ENPP6: variants seen among roughly 807,000 people sequenced by gnomAD.
ENPP6 encodes the protein glycerophosphocholine cholinephosphodiesterase ENPP6.
Under a neutral mutation model 42.0 loss-of-function variants are expected in ENPP6, and 32 were observed. The observed-to-expected ratio is 0.76, with a 90% CI of 0.58 to 1.02. ENPP6 has a LOEUF of 1.02. Among genes scored for constraint, ENPP6 ranks in the 50% least tolerant of loss-of-function variants. The pLI is 0.00. For synonymous variants in ENPP6, 213 were observed against 216.0 expected, an observed-to-expected ratio of 0.99 and a Z score of 0.12; for missense variants, 552 against 566.8, an observed-to-expected ratio of 0.97 and a Z score of 0.27.
In ENPP6 at chr4:184,170,529, C is replaced by T. The variant is rs1415481774; in HGVS notation, c.242-16796G>A. ...GAGTGTCTTTTAACTGATAATGGTT[C>T]GCCTCCATTTTATTAATTCTTGTCT... On this transcript the variant is annotated intron_variant, in intron 1 of 7. Transcript: ENST00000296741. 5.3e-5 allele frequency among the ~76,000 whole-genome samples: 8 copies of T among 151,510 alleles called. No homozygotes were observed. In the East Asian group the frequency reaches 5.8e-4, roughly 11 times the overall value.
intron 1 of ENPP6, among the ~76,000 whole-genome samples, chr4:184,156,136 G>A (rs1737155722): frequency 6.6e-6 from 1 of 152,198 alleles, no homozygotes; most frequent in African/African-American, 2.4e-5. Context: ...TGTGGAGAAA[G>A]TTGGGTTTCT....
chr4:184,116,840 C>T lies in ENPP6; in HGVS notation c.855+16G>A. Reference sequence around the variant, plus strand: ...GCCCACATGGCCCTCCTCCGCCCCCCACGGGTCTGTCTTGCCTCAGAGTGT... The same window carrying T: ...GCCCACATGGCCCTCCTCCGCCCCCTACGGGTCTGTCTTGCCTCAGAGTGT... On this transcript the variant is annotated intron_variant, in intron 5 of 7. Coordinates refer to ENST00000296741, the MANE Select transcript of ENPP6 (RefSeq NM_153343.4). 6.2e-7 allele frequency: 1 copy of T among 1,612,556 alleles called. No individual in the cohort carries two copies. The highest frequency in any genetic ancestry group is 1.1e-5 in the South Asian group (1 of 91,026).
At chr4:184,100,095 G>T (rs968599785) in intron 6 of ENPP6, among the ~76,000 whole-genome samples, 1 of 152,202 alleles carries the variant, frequency 6.6e-6, no homozygotes, top group African/African-American at 2.4e-5. Context: ...CTTTCTAGTC[G>T]TAGGTAAATC....
intron 2 of ENPP6, among the ~76,000 whole-genome samples, chr4:184,151,938 T>A (rs1737057472): frequency 6.6e-6 from 1 of 152,196 alleles, no homozygotes; most frequent in Non-Finnish European, 1.5e-5. Context: ...CCTCCTAAAC[T>A]CTTCCTCTTC....
At chr4:184,197,707 T>C (rs185309121) in intron 1 of ENPP6, among the ~76,000 whole-genome samples, 102 of 152,358 alleles carry the variant, frequency 6.7e-4, no homozygotes, top group African/African-American at 2.2e-3. Context: ...TAGTGGATTT[T>C]GTTACATATT....
At chr4:184,100,591 G>C (rs1032615312) in intron 6 of ENPP6, among the ~76,000 whole-genome samples, 2 of 152,166 alleles carry the variant, frequency 1.3e-5, no homozygotes, top group Admixed American at 6.5e-5. Flanking sequence ...GCCTCTAAGT[G>C]GGATCCCACT....
chr4:184,101,361 G>A (rs574092197), intron 6 of ENPP6, among the ~76,000 whole-genome samples: 138 of 148,580 alleles, frequency 9.3e-4, no homozygotes, highest in Non-Finnish European at 1.4e-3. Flanking sequence ...TAGCACTGGG[G>A]TAGGGAGATG....
intron 6 of ENPP6, among the ~76,000 whole-genome samples, chr4:184,104,646 A>T (rs1736057121): frequency 6.6e-6 from 1 of 152,338 alleles, no homozygotes; most frequent in Middle Eastern, 3.4e-3. Context: ...GGGGCTACTA[A>T]TAATTAACCA....
At chr4:184,198,258 C>A (rs921462762) in intron 1 of ENPP6, among the ~76,000 whole-genome samples, 8 of 152,250 alleles carry the variant, frequency 5.3e-5, no homozygotes, top group African/African-American at 1.9e-4. Context: ...TGCAGTCCAA[C>A]AAACACAAAT....
intron 2 of ENPP6, among the ~76,000 whole-genome samples, chr4:184,132,794 C>T (rs9784422): frequency 0.65 from 96,104 of 148,022 alleles, 31,067 homozygotes; most frequent in Non-Finnish European, 0.68. Context: ...TATATACACA[C>T]ATATATATAC....
intron 2 of ENPP6, among the ~76,000 whole-genome samples, chr4:184,126,185 C>G (rs1175176409): frequency 6.6e-6 from 1 of 152,148 alleles, no homozygotes; most frequent in Non-Finnish European, 1.5e-5. Flanking sequence ...GTACGAGCAA[C>G]AATAAATATG....
chr4:184,132,278 T>C (rs4410570), intron 2 of ENPP6, among the ~76,000 whole-genome samples: 97,877 of 151,824 alleles, frequency 0.64, 31,856 homozygotes, highest in Non-Finnish European at 0.68. Context: ...AGTTCTCACA[T>C]TGTAGTTTTA....
intron 1 of ENPP6, among the ~76,000 whole-genome samples, chr4:184,210,338 AC>A (rs1733087530): frequency 7.2e-6 from 1 of 139,848 alleles, no homozygotes; most frequent in African/African-American, 2.8e-5. Flanking sequence ...TATTCAGGAA[AC>A]CCATCTCACG....
intron 5 of ENPP6, among the ~76,000 whole-genome samples, chr4:184,114,161 T>C (rs1736276388): frequency 1.3e-5 from 2 of 152,152 alleles, no homozygotes; most frequent in Non-Finnish European, 2.9e-5. Context: ...AGACGGGTTT[T>C]CGCCATGTTG....
chr4:184,131,834 T>C (rs1473984882), intron 2 of ENPP6, among the ~76,000 whole-genome samples: 1 of 116,368 alleles, frequency 8.6e-6, no homozygotes, highest in African/African-American at 3.6e-5. Flanking sequence ...CATATATATA[T>C]ATATAAAGAG....
At chr4:184,205,923 A>G (rs1005208723) in intron 1 of ENPP6, among the ~76,000 whole-genome samples, 5 of 152,124 alleles carry the variant, frequency 3.3e-5, no homozygotes, top group African/African-American at 1.2e-4. Flanking sequence ...GGGTCCTGGG[A>G]CCTGTGAGCC....
chr4:184,165,552 A>G (rs1285786950), intron 1 of ENPP6, among the ~76,000 whole-genome samples: 4 of 152,244 alleles, frequency 2.6e-5, no homozygotes, highest in African/African-American at 9.6e-5. Context: ...AAGTAACCAC[A>G]TGGAGACGCA....
At chr4:184,195,804 T>C (rs771704666) in intron 1 of ENPP6, among the ~76,000 whole-genome samples, 2 of 152,258 alleles carry the variant, frequency 1.3e-5, no homozygotes, top group Non-Finnish European at 2.9e-5. Context: ...TACACCCAAG[T>C]CTGTGAACTT....
chr4:184,131,644 G>A (rs1370386989), intron 2 of ENPP6, among the ~76,000 whole-genome samples: 7 of 151,796 alleles, frequency 4.6e-5, no homozygotes, highest in Non-Finnish European at 2.9e-5. Flanking sequence ...GATCACAGGT[G>A]TGAGCCATCA....
Sources: gnomAD v4.1 joint callset for allele counts (sites outside exome capture counted in the v4.1 genomes callset) on GRCh38, gnomAD v4.1.1 for gene constraint, MANE v1.5 for transcripts, NCBI Gene and HGNC (gene_info 2026-07-23, HGNC 2026-07-21) for gene names.